Variants in CDH12 observed in about 807,000 individuals in gnomAD.
CDH12 encodes the protein cadherin-12.
In CDH12, 41 loss-of-function variants were observed where a neutral mutation model predicts 74.1. That is an observed-to-expected ratio of 0.55 (90% confidence interval 0.43 to 0.72). CDH12 has a LOEUF of 0.72. Ranked by LOEUF, CDH12 falls within the 30% of genes least tolerant of loss-of-function variation. The pLI, the probability that CDH12 is intolerant of heterozygous loss-of-function variation, is 0.00. For missense variants in CDH12, 945 were observed against 977.2 expected (o/e 0.97, Z 0.44); for synonymous variants, 399 against 355.0 (o/e 1.12, Z -1.39).
At chr5:22,783,814 G>T (rs1055597246) in intron 1 of CDH12, among the ~76,000 whole-genome samples, 2 of 152,050 alleles carry the variant, frequency 1.3e-5, no homozygotes, top group Admixed American at 6.6e-5. Flanking sequence ...ACAATGAGTT[G>T]GGGCTCAAAG....
At chr5:22,722,347 C>A (rs1369420398) in intron 1 of CDH12, among the ~76,000 whole-genome samples, 1 of 152,164 alleles carries the variant, frequency 6.6e-6, no homozygotes, top group Non-Finnish European at 1.5e-5. Flanking sequence ...ACAACCAAGT[C>A]CCTTGCAGAG....
At chr5:22,686,088 T>C (rs1741784925) in intron 1 of CDH12, among the ~76,000 whole-genome samples, 1 of 152,182 alleles carries the variant, frequency 6.6e-6, no homozygotes, top group Non-Finnish European at 1.5e-5. Flanking sequence ...TTATAACTAC[T>C]GTAGTGGATA....
intron 3 of CDH12, among the ~76,000 whole-genome samples, chr5:22,364,842 A>T (rs1486996063): frequency 6.6e-6 from 1 of 152,192 alleles, no homozygotes; most frequent in Non-Finnish European, 1.5e-5. Context: ...ATCTGGGGCT[A>T]AAGGCATGCT....
intron 1 of CDH12, among the ~76,000 whole-genome samples, chr5:22,659,527 T>A (rs1233264454): frequency 6.6e-6 from 1 of 152,124 alleles, no homozygotes; most frequent in Non-Finnish European, 1.5e-5. Flanking sequence ...ACCTATGTAC[T>A]GTGCACATAT....
chr5:22,534,199 T>A (rs1737720768), intron 1 of CDH12, among the ~76,000 whole-genome samples: 1 of 152,126 alleles, frequency 6.6e-6, no homozygotes, highest in Non-Finnish European at 1.5e-5. Flanking sequence ...CTTCTTTTTT[T>A]TTTAATTTTT....
At chr5:22,604,836 C>T (rs544711505) in intron 1 of CDH12, among the ~76,000 whole-genome samples, 6 of 152,204 alleles carry the variant, frequency 3.9e-5, no homozygotes, top group Admixed American at 2.6e-4. Flanking sequence ...GAGAGATATG[C>T]CAGCAATGAA....
chr5:22,500,183 GA>G (rs1747277393), intron 2 of CDH12, among the ~76,000 whole-genome samples: 1 of 152,104 alleles, frequency 6.6e-6, no homozygotes, highest in Admixed American at 6.6e-5. Flanking sequence ...AACACAAAAT[GA>G]AACTTGCCTC....
intron 3 of CDH12, among the ~76,000 whole-genome samples, chr5:22,374,480 T>C (rs746340655): frequency 2.0e-5 from 3 of 152,072 alleles, no homozygotes; most frequent in South Asian, 4.1e-4. Flanking sequence ...AATAGAAAGA[T>C]ATAAAAGTCA....
chr5:21,871,345 C>G (rs1169880807), intron 6 of CDH12, among the ~76,000 whole-genome samples: 1 of 151,994 alleles, frequency 6.6e-6, no homozygotes, highest in Non-Finnish European at 1.5e-5. Flanking sequence ...AACATAGCAT[C>G]AATTTTCTAG....
intron 4 of CDH12, among the ~76,000 whole-genome samples, chr5:22,081,907 GTGAT>G (rs1742755721): frequency 6.6e-6 from 1 of 152,174 alleles, no homozygotes; most frequent in South Asian, 2.1e-4. Context: ...TAGTGAATAA[GTGAT>G]TGGTAATTAG....
At chr5:21,783,186 C>T (rs999022738) in intron 11 of CDH12, among the ~76,000 whole-genome samples, 172 bp downstream of exon 11, 3 of 151,914 alleles carry the variant, frequency 2.0e-5, no homozygotes, top group Non-Finnish European at 4.4e-5. Context: ...TGGCAGCTGT[C>T]ACAATTTCTC....
At chr5:22,504,960 C>T (rs190993163) in intron 2 of CDH12, among the ~76,000 whole-genome samples, 70 of 151,866 alleles carry the variant, frequency 4.6e-4, no homozygotes, top group African/African-American at 5.8e-4. Context: ...TTAGGAGGAA[C>T]ATAGTCATTA....
In CDH12 at chr5:21,833,364, T is replaced by G. The variant is rs1339328227; in HGVS notation, c.814+8797A>C. 7.5e-5 allele frequency among the ~76,000 whole-genome samples: 7 copies of G among 93,718 alleles called. 1 individual carries two copies. In the East Asian group the frequency reaches 1.2e-3, roughly 16 times the overall value. The allele number at this position is 93,718 out of a possible 152,430, so 61.5% of individuals were successfully genotyped here. On this transcript the variant is annotated intron_variant, in intron 8 of 14. Transcript: ENST00000382254. ...TATAACATATAATATATATTATATA[T>G]TATATAGTATAATTATATATAATTA... is the stretch of plus-strand genomic sequence containing the variant.
chr5:22,128,865 T>C (rs2150284611), intron 4 of CDH12, among the ~76,000 whole-genome samples: 1 of 152,350 alleles, frequency 6.6e-6, no homozygotes, highest in Admixed American at 6.5e-5. Context: ...CATTTGCATG[T>C]CATGATTCTT....
At chr5:22,073,718 C>T (rs1354404227) in intron 5 of CDH12, among the ~76,000 whole-genome samples, 1 of 152,182 alleles carries the variant, frequency 6.6e-6, no homozygotes, top group African/African-American at 2.4e-5. Context: ...CAAGTAATAG[C>T]ACAGTTTGTG....
chr5:21,922,502 A>G (rs993361292), intron 6 of CDH12, among the ~76,000 whole-genome samples: 1 of 152,174 alleles, frequency 6.6e-6, no homozygotes, highest in South Asian at 2.1e-4. Context: ...GAACTTTCTC[A>G]TAATATGTAG....
In CDH12 at chr5:22,791,276, G is replaced by C. The variant is rs1747891749; in HGVS notation, c.-523+61782C>G. Among the ~76,000 whole-genome samples the C allele has an allele frequency of 2.6e-5, 4 of 152,090 alleles. No homozygotes were observed. The South Asian group carries it at 8.3e-4, about 32-fold the overall frequency. ...TAAGAGCAGAAATCTAGTGCCAGAA[G>C]AAAAATAGATTGTAAGCCTGCCACC... On this transcript the variant is annotated intron_variant, in intron 1 of 14. Transcript: ENST00000382254.
At chr5:21,934,886 A>T (rs1332737242) in intron 6 of CDH12, among the ~76,000 whole-genome samples, 1 of 151,758 alleles carries the variant, frequency 6.6e-6, no homozygotes, top group East Asian at 1.9e-4. Flanking sequence ...TCCCTAGTTC[A>T]TGCCATTCTC....
intron 4 of CDH12, among the ~76,000 whole-genome samples, chr5:22,108,137 C>A (rs1435185635): frequency 6.6e-6 from 1 of 152,154 alleles, no homozygotes. Context: ...GAGGAGATAA[C>A]TGAATCATAG....
Sources: allele counts gnomAD v4.1 joint callset (sites outside exome capture counted in the v4.1 genomes callset), GRCh38; gene constraint gnomAD v4.1.1; transcripts MANE v1.5; gene names NCBI Gene and HGNC (gene_info 2026-07-23, HGNC 2026-07-21).